HS6ST3: variants seen among roughly 807,000 people sequenced by gnomAD.
HS6ST3 encodes the protein heparan-sulfate 6-O-sulfotransferase 3.
In HS6ST3, 12 loss-of-function variants were observed where a neutral mutation model predicts 36.7. That is an observed-to-expected ratio of 0.33 (90% CI 0.21 to 0.53). The LOEUF is 0.53. HS6ST3 is among the 20% of genes least tolerant of loss of function. HS6ST3 has a pLI of 0.95. For missense variants in HS6ST3, 584 were observed against 640.9 expected (o/e 0.91, Z 0.96); for synonymous variants, 240 against 257.5 (o/e 0.93, Z 0.65).
intron 1 of HS6ST3, among the ~76,000 whole-genome samples, chr13:96,705,213 C>T (rs1428737745): frequency 1.3e-5 from 2 of 152,172 alleles, no homozygotes; most frequent in African/African-American, 4.8e-5. Flanking sequence ...TAATGATTGG[C>T]ATCCACCATT....
intron 1 of HS6ST3, among the ~76,000 whole-genome samples, chr13:96,406,584 G>A (rs936210309): frequency 1.3e-5 from 2 of 152,152 alleles, no homozygotes; most frequent in Non-Finnish European, 2.9e-5. Context: ...CAGCAAGGTA[G>A]GAATTGCGCT....
At chr13:96,494,480 C>T (rs2055963968) in intron 1 of HS6ST3, among the ~76,000 whole-genome samples, 1 of 150,450 alleles carries the variant, frequency 6.6e-6, no homozygotes, top group Non-Finnish European at 1.5e-5. Context: ...CAACATGGCA[C>T]ATGTATACAT....
At chr13:96,739,217 G>T (rs1594849068) in intron 1 of HS6ST3, among the ~76,000 whole-genome samples, 1 of 129,084 alleles carries the variant, frequency 7.7e-6, no homozygotes, top group East Asian at 2.4e-4. Context: ...ATCGACATTT[G>T]CTTGTGTGTG....
At chr13:96,444,198 A>G (rs2139481907) in intron 1 of HS6ST3, among the ~76,000 whole-genome samples, 1 of 152,292 alleles carries the variant, frequency 6.6e-6, no homozygotes, top group Non-Finnish European at 1.5e-5. Context: ...AAAAACTTTG[A>G]TAAAAAATTA....
intron 1 of HS6ST3, among the ~76,000 whole-genome samples, chr13:96,274,162 T>C (rs1334377885): frequency 6.6e-6 from 1 of 151,590 alleles, no homozygotes; most frequent in Non-Finnish European, 1.5e-5. Context: ...GGCCAACTTT[T>C]TTGCACAGTG....
intron 1 of HS6ST3, among the ~76,000 whole-genome samples, chr13:96,515,942 C>T (rs950886461): frequency 2.0e-4 from 31 of 152,232 alleles, no homozygotes; most frequent in Admixed American, 8.5e-4. Context: ...CTCTTTATGC[C>T]ATAGACTCCT....
At position 96,711,470 on chromosome 13, in the gene HS6ST3, A is replaced by G. The variant is rs1010664536; in HGVS notation, c.708-121020A>G. Among the ~76,000 whole-genome samples, 3 of 152,370 alleles carry G rather than the reference A, an allele frequency of 2.0e-5. No individual in the cohort carries two copies. The South Asian group carries it at 6.2e-4, about 32-fold the overall frequency. On this transcript the variant is annotated intron_variant, in intron 1 of 1. Transcript: ENST00000376705. ...TCTAGATGCATTTTTATTGGGAAAT[A>G]TATAAATTTACTAAGTAATTCTCTG...
intron 1 of HS6ST3, among the ~76,000 whole-genome samples, chr13:96,456,130 ATTTC>A (rs2055753572): frequency 1.3e-5 from 2 of 152,188 alleles, no homozygotes; most frequent in East Asian, 3.8e-4. Context: ...GGACAAACGT[ATTTC>A]TTTGTCTTTT....
At chr13:96,193,099 C>T (rs1260278188) in intron 1 of HS6ST3, among the ~76,000 whole-genome samples, 4 of 152,138 alleles carry the variant, frequency 2.6e-5, no homozygotes, top group Admixed American at 2.6e-4. Context: ...CTTCTGATGG[C>T]ATTGGCTCCA....
At chr13:96,381,015 A>T (rs1173472204) in intron 1 of HS6ST3, among the ~76,000 whole-genome samples, 1 of 152,256 alleles carries the variant, frequency 6.6e-6, no homozygotes, top group Non-Finnish European at 1.5e-5. Context: ...AGCTGGACAT[A>T]TCATTTTGTA....
intron 1 of HS6ST3, among the ~76,000 whole-genome samples, chr13:96,566,731 A>C (rs2056282709): frequency 6.6e-6 from 1 of 152,194 alleles, no homozygotes; most frequent in Non-Finnish European, 1.5e-5. Flanking sequence ...AACACTGATC[A>C]TTCCTAAGCC....
At chr13:96,717,479 A>G (rs957764367) in intron 1 of HS6ST3, among the ~76,000 whole-genome samples, 11 of 152,188 alleles carry the variant, frequency 7.2e-5, no homozygotes, top group African/African-American at 1.9e-4. Context: ...CACTCTACAT[A>G]CTTTCACATA....
At chr13:96,657,131 A>AT (rs1303499653) in intron 1 of HS6ST3, among the ~76,000 whole-genome samples, 1 of 152,036 alleles carries the variant, frequency 6.6e-6, no homozygotes, top group Non-Finnish European at 1.5e-5. Context: ...ACCATCCCTA[A>AT]TATTTATTCA....
chr13:96,764,831 C>G (rs1170299505), intron 1 of HS6ST3, among the ~76,000 whole-genome samples: 1 of 152,132 alleles, frequency 6.6e-6, no homozygotes, highest in Non-Finnish European at 1.5e-5. Context: ...TTCTATTGAT[C>G]ACTTTCCCCT....
intron 1 of HS6ST3, among the ~76,000 whole-genome samples, chr13:96,746,900 C>A (rs1876575222): frequency 6.6e-6 from 1 of 152,012 alleles, no homozygotes; most frequent in South Asian, 2.1e-4. Context: ...CTGGAAGGTT[C>A]TTATGCCATT....
chr13:96,131,073 T>G (rs549060432), intron 1 of HS6ST3, among the ~76,000 whole-genome samples: 1 of 152,182 alleles, frequency 6.6e-6, no homozygotes, highest in Non-Finnish European at 1.5e-5. Flanking sequence ...GCAAGTGTAC[T>G]GTTTCTGATC....
At chr13:96,117,700 G>C (rs2053900148) in intron 1 of HS6ST3, among the ~76,000 whole-genome samples, 1 of 152,148 alleles carries the variant, frequency 6.6e-6, no homozygotes, top group Admixed American at 6.5e-5. Context: ...TATGTTAGTT[G>C]TAAACTATAA....
chr13:96,221,191 C>G (rs2054453374), intron 1 of HS6ST3, among the ~76,000 whole-genome samples: 1 of 152,122 alleles, frequency 6.6e-6, no homozygotes, highest in African/African-American at 2.4e-5. Context: ...TGTGATACTT[C>G]TGCTTTTGAT....
chr13:96,454,503 A>G (rs1305878130), intron 1 of HS6ST3, among the ~76,000 whole-genome samples: 2 of 152,318 alleles, frequency 1.3e-5, no homozygotes, highest in South Asian at 2.1e-4. Context: ...GATTATTCAT[A>G]ATACTAACTA....
Sources: gnomAD v4.1 joint callset for allele counts (sites outside exome capture counted in the v4.1 genomes callset) on GRCh38, gnomAD v4.1.1 for gene constraint, MANE v1.5 for transcripts, NCBI Gene and HGNC (gene_info 2026-07-23, HGNC 2026-07-21) for gene names.